DLG2: variants seen among roughly 807,000 people sequenced by gnomAD.
DLG2 encodes the protein discs large MAGUK scaffold protein 2, also known as disks large homolog 2.
A neutral mutation model predicts 132.5 loss-of-function variants in DLG2; 45 were observed. The ratio of observed to expected loss-of-function variants is 0.34; its 90% CI spans 0.27 to 0.44. The LOEUF (loss-of-function observed/expected upper bound fraction) is 0.44. Ranked by LOEUF, DLG2 falls within the 20% of genes least tolerant of loss-of-function variation. DLG2 has a pLI of 1.00. For synonymous variants in DLG2, 424 were observed against 419.6 expected, an observed-to-expected ratio of 1.01 and a Z score of -0.13; for missense variants, 1,045 against 1,196.9, an observed-to-expected ratio of 0.87 and a Z score of 1.87.
At chr11:85,203,987 T>C (rs1318614271) in intron 4 of DLG2, among the ~76,000 whole-genome samples, 1 of 152,084 alleles carries the variant, frequency 6.6e-6, no homozygotes, top group African/African-American at 2.4e-5. Context: ...ATTCAACATC[T>C]CTTTATGATA....
At chr11:84,937,540 C>A (rs1047707482) in intron 6 of DLG2, among the ~76,000 whole-genome samples, 1 of 152,080 alleles carries the variant, frequency 6.6e-6, no homozygotes, top group Admixed American at 6.6e-5. Flanking sequence ...AGCGTATATA[C>A]AGGAGTTAAC....
At chr11:83,568,168 G>A (rs2096740204) in intron 19 of DLG2, among the ~76,000 whole-genome samples, 1 of 152,208 alleles carries the variant, frequency 6.6e-6, no homozygotes, top group South Asian at 2.1e-4. Context: ...GAGTGTCCGA[G>A]CTAAGGTAGT....
intron 4 of DLG2, among the ~76,000 whole-genome samples, chr11:85,157,353 T>A (rs2077662182): frequency 6.6e-6 from 1 of 152,180 alleles, no homozygotes. Context: ...TGGAGTTGGC[T>A]GCTTAACATG....
intron 5 of DLG2, among the ~76,000 whole-genome samples, chr11:85,146,226 C>CTGTT (rs879586526): frequency 7.7e-6 from 1 of 130,186 alleles, no homozygotes; most frequent in African/African-American, 3.6e-5. Context: ...GTCTGTTTCT[C>CTGTT]CCTCTCTCTC....
chr11:84,933,413 G>C (rs1363075195), intron 6 of DLG2, among the ~76,000 whole-genome samples: 1 of 152,130 alleles, frequency 6.6e-6, no homozygotes, highest in Non-Finnish European at 1.5e-5. Flanking sequence ...GAATCTAAAT[G>C]GTAGTTAATA....
intron 11 of DLG2, among the ~76,000 whole-genome samples, chr11:83,996,610 C>T (rs900680842): frequency 6.6e-6 from 1 of 152,100 alleles, no homozygotes; most frequent in African/African-American, 2.4e-5. Flanking sequence ...ATATGGTACA[C>T]ATACACAATG....
chr11:83,789,749 T>C (rs1019538341), intron 17 of DLG2, among the ~76,000 whole-genome samples: 4 of 152,172 alleles, frequency 2.6e-5, no homozygotes, highest in African/African-American at 9.7e-5. Context: ...GGTTTCACCA[T>C]GTTGGCCAGG....
intron 19 of DLG2, among the ~76,000 whole-genome samples, chr11:83,621,258 G>A (rs66819432): frequency 5.3e-5 from 8 of 151,758 alleles, no homozygotes; most frequent in South Asian, 2.1e-4. Flanking sequence ...CCCTATCAAC[G>A]CCATGATTTT....
chr11:84,937,739 A>G (rs1321399234), intron 6 of DLG2, among the ~76,000 whole-genome samples: 2 of 152,214 alleles, frequency 1.3e-5, no homozygotes, highest in Non-Finnish European at 2.9e-5. Flanking sequence ...AATTTTGTTT[A>G]ATCAGTAAAG....
chr11:85,270,968 G>A (rs1303131798), intron 4 of DLG2, among the ~76,000 whole-genome samples: 1 of 152,188 alleles, frequency 6.6e-6, no homozygotes, highest in East Asian at 1.9e-4. Flanking sequence ...CATTTTCTGA[G>A]GAGAAATTCA....
At chr11:83,925,831 CT>C in intron 15 of DLG2, among the ~76,000 whole-genome samples, 1 of 152,164 alleles carries the variant, frequency 6.6e-6, no homozygotes, top group African/African-American at 2.4e-5. Context: ...TCTCCTTGCC[CT>C]AGAAATATCA....
At chr11:84,001,482 T>C (rs918071530) in intron 11 of DLG2, among the ~76,000 whole-genome samples, 2 of 152,194 alleles carry the variant, frequency 1.3e-5, no homozygotes, top group East Asian at 3.9e-4. Context: ...AAGAGAAAGA[T>C]AGATTCTAAT....
chr11:83,967,132 C>T (rs1056385435), intron 12 of DLG2, among the ~76,000 whole-genome samples: 1 of 151,988 alleles, frequency 6.6e-6, no homozygotes, highest in African/African-American at 2.4e-5. Context: ...ATCCTTTTAT[C>T]CACTGACAGG....
intron 6 of DLG2, among the ~76,000 whole-genome samples, chr11:84,802,069 G>A (rs1480851969): frequency 2.0e-5 from 3 of 151,260 alleles, no homozygotes; most frequent in Non-Finnish European, 2.9e-5. Flanking sequence ...TAATGTTTTA[G>A]GGATTGGGAA....
At chr11:84,447,270 A>G in intron 7 of DLG2, among the ~76,000 whole-genome samples, 1 of 152,218 alleles carries the variant, frequency 6.6e-6, no homozygotes. Context: ...GATAATACAT[A>G]TACACTATTT....
At chr11:83,630,329 T>G (rs1591297578) in intron 19 of DLG2, among the ~76,000 whole-genome samples, 1 of 138,266 alleles carries the variant, frequency 7.2e-6, no homozygotes, top group African/African-American at 3.5e-5. Flanking sequence ...GGGAGCATGC[T>G]TGTGAGCATG....
intron 5 of DLG2, among the ~76,000 whole-genome samples, chr11:85,126,903 A>T (rs1408383146): frequency 6.6e-6 from 1 of 151,350 alleles, no homozygotes; most frequent in Non-Finnish European, 1.5e-5. Flanking sequence ...CAGTGCTGAG[A>T]AGGTCATCCA....
intron 9 of DLG2, among the ~76,000 whole-genome samples, chr11:84,120,285 A>G (rs2093844557): frequency 6.6e-6 from 1 of 152,162 alleles, no homozygotes; most frequent in Non-Finnish European, 1.5e-5. Context: ...TAGATAAACT[A>G]AGTAGACCCA....
intron 6 of DLG2, among the ~76,000 whole-genome samples, chr11:84,576,622 G>A (rs2099500788): frequency 6.6e-6 from 1 of 152,164 alleles, no homozygotes. Context: ...AGAGGCAACA[G>A]CAAGTGCACA....
Sources: gnomAD v4.1 joint callset for allele counts (sites outside exome capture counted in the v4.1 genomes callset) on GRCh38, gnomAD v4.1.1 for gene constraint, MANE v1.5 for transcripts, NCBI Gene and HGNC (gene_info 2026-07-23, HGNC 2026-07-21) for gene names.